Variants in LRRTM4 observed in about 807,000 individuals in gnomAD.
LRRTM4 encodes the protein leucine-rich repeat transmembrane neuronal protein 4.
In LRRTM4, 25 loss-of-function variants were observed where a neutral mutation model predicts 47.6. The observed-to-expected ratio is 0.53, with a 90% CI of 0.38 to 0.73. The LOEUF (loss-of-function observed/expected upper bound fraction) is 0.73, where lower values mean the gene tolerates loss of function less well. Ranked by LOEUF, LRRTM4 falls within the 30% of genes least tolerant of loss-of-function variation. The pLI is 0.00. For synonymous variants in LRRTM4, 311 were observed against 269.5 expected (o/e 1.15, Z -1.51); for missense variants, 638 against 713.4 (o/e 0.89, Z 1.20).
intron 3 of LRRTM4, among the ~76,000 whole-genome samples, chr2:77,465,446 T>A (rs1676947678): frequency 6.6e-6 from 1 of 152,236 alleles, no homozygotes; most frequent in Non-Finnish European, 1.5e-5. Flanking sequence ...GGGAGAAAAG[T>A]GAATTTATAA....
In LRRTM4 at chr2:76,954,617, C is replaced by T. The variant is rs1573363510; in HGVS notation, c.1552-205701G>A. On this transcript the variant is annotated intron_variant, in intron 3 of 3. Coordinates refer to ENST00000409884, the MANE Select transcript of LRRTM4 (RefSeq NM_001134745.3). ...GAAGAAGAGAGAAAGGGCCAGAAAG[C>T]TTACTTGGACAAGTATTGGCTAACG... Among the ~76,000 whole-genome samples, 5 of 151,848 alleles carry T rather than the reference C, an allele frequency of 3.3e-5. No individual in the cohort carries two copies. In the East Asian group the frequency reaches 7.8e-4, roughly 24 times the overall value.
intron 3 of LRRTM4, among the ~76,000 whole-genome samples, chr2:76,991,171 T>C (rs1031873135): frequency 4.6e-5 from 7 of 151,758 alleles, no homozygotes; most frequent in African/African-American, 1.2e-4. Flanking sequence ...TTTTTAGTCA[T>C]AGATGCCTAC....
intron 3 of LRRTM4, among the ~76,000 whole-genome samples, chr2:76,914,456 G>C (rs1431021026): frequency 6.6e-6 from 1 of 151,852 alleles, no homozygotes; most frequent in Non-Finnish European, 1.5e-5. Context: ...TATATTTTTT[G>C]TAAAGTGTCA....
intron 3 of LRRTM4, among the ~76,000 whole-genome samples, chr2:77,488,350 G>A (rs951024996): frequency 1.3e-5 from 2 of 152,192 alleles, no homozygotes; most frequent in Admixed American, 6.5e-5. Context: ...CTGGTTGTGT[G>A]CGGCAGCTGG....
At chr2:77,055,626 G>T (rs1399428342) in intron 3 of LRRTM4, among the ~76,000 whole-genome samples, 1 of 152,180 alleles carries the variant, frequency 6.6e-6, no homozygotes, top group Non-Finnish European at 1.5e-5. Flanking sequence ...GTGGAAGTCA[G>T]TGTGGCGATT....
At chr2:76,969,869 C>T (rs1676159653) in intron 3 of LRRTM4, among the ~76,000 whole-genome samples, 1 of 151,866 alleles carries the variant, frequency 6.6e-6, no homozygotes, top group African/African-American at 2.4e-5. Flanking sequence ...TAAGAAATGG[C>T]GGATTAGAGA....
intron 3 of LRRTM4, among the ~76,000 whole-genome samples, chr2:77,253,666 C>A (rs1028848632): frequency 4.6e-5 from 7 of 152,110 alleles, no homozygotes; most frequent in East Asian, 3.9e-4. Context: ...AATTGTCCAA[C>A]ATAAATTTTC....
chr2:76,888,773 T>C (rs537289906), intron 3 of LRRTM4, among the ~76,000 whole-genome samples: 44 of 152,010 alleles, frequency 2.9e-4, no homozygotes, highest in African/African-American at 1.0e-3. Context: ...GTAGACATAA[T>C]GCTTAATTTT....
chr2:76,932,348 A>G (rs1263051491), intron 3 of LRRTM4, among the ~76,000 whole-genome samples: 1 of 152,114 alleles, frequency 6.6e-6, no homozygotes, highest in East Asian at 1.9e-4. Flanking sequence ...TTCCACCAAT[A>G]ACTCCTTGTC....
chr2:76,779,198 G>T (rs142176369), intron 3 of LRRTM4, among the ~76,000 whole-genome samples: 1,899 of 152,168 alleles, frequency 0.012, 41 homozygotes, highest in African/African-American at 0.042. Context: ...GTCATGTTTG[G>T]AATAGGTGTG....
At chr2:77,135,477 G>A (rs545472484) in intron 3 of LRRTM4, among the ~76,000 whole-genome samples, 2 of 152,262 alleles carry the variant, frequency 1.3e-5, no homozygotes, top group South Asian at 2.1e-4. Flanking sequence ...AAACTTCCCA[G>A]CAATGTTTGG....
intron 3 of LRRTM4, among the ~76,000 whole-genome samples, chr2:77,333,991 A>T (rs1404112230): frequency 6.6e-6 from 1 of 152,218 alleles, no homozygotes; most frequent in Non-Finnish European, 1.5e-5. Context: ...ACATGAAGTC[A>T]AAGGAGATCA....
At chr2:77,202,121 T>C (rs1200701629) in intron 3 of LRRTM4, among the ~76,000 whole-genome samples, 1 of 152,124 alleles carries the variant, frequency 6.6e-6, no homozygotes, top group Non-Finnish European at 1.5e-5. Flanking sequence ...CCAGGAATGT[T>C]GTCAGTAACA....
chr2:76,845,613 A>C (rs1346231088), intron 3 of LRRTM4, among the ~76,000 whole-genome samples: 1 of 152,148 alleles, frequency 6.6e-6, no homozygotes, highest in Admixed American at 6.6e-5. Flanking sequence ...AGAACACTAA[A>C]AATATATTCT....
intron 3 of LRRTM4, among the ~76,000 whole-genome samples, chr2:77,181,485 TG>T: frequency 6.6e-6 from 1 of 152,254 alleles, no homozygotes; most frequent in East Asian, 1.9e-4. Flanking sequence ...GGAAGGACAC[TG>T]GTACCCTTAG....
At chr2:76,780,131 G>A (rs527745059) in intron 3 of LRRTM4, among the ~76,000 whole-genome samples, 9 of 152,156 alleles carry the variant, frequency 5.9e-5, no homozygotes, top group African/African-American at 1.2e-4. Flanking sequence ...CGAGAGATCC[G>A]CTGTTAGTCT....
chr2:77,112,972 C>A (rs1671290044), intron 3 of LRRTM4, among the ~76,000 whole-genome samples: 1 of 152,124 alleles, frequency 6.6e-6, no homozygotes, highest in Non-Finnish European at 1.5e-5. Context: ...GATTTTTCAA[C>A]CCCGTCTTGT....
intron 3 of LRRTM4, among the ~76,000 whole-genome samples, chr2:77,398,187 T>C (rs1558724446): frequency 6.6e-6 from 1 of 151,886 alleles, no homozygotes; most frequent in Non-Finnish European, 1.5e-5. Context: ...TATTATGACT[T>C]AAAAAATAGT....
At chr2:77,185,226 G>A (rs1673467148) in intron 3 of LRRTM4, among the ~76,000 whole-genome samples, 1 of 152,094 alleles carries the variant, frequency 6.6e-6, no homozygotes, top group Non-Finnish European at 1.5e-5. Flanking sequence ...ACATGTTCTG[G>A]TCTGCTGTCT....
Sources: gnomAD v4.1 joint callset for allele counts (sites outside exome capture counted in the v4.1 genomes callset) on GRCh38, gnomAD v4.1.1 for gene constraint, MANE v1.5 for transcripts, NCBI Gene and HGNC (gene_info 2026-07-23, HGNC 2026-07-21) for gene names.